The following CCSER1 variants were observed in gnomAD, a reference collection of about 807,000 sequenced individuals.
CCSER1 encodes the protein coiled-coil serine rich protein 1.
A neutral mutation model predicts 82.0 loss-of-function variants in CCSER1; 41 were observed. The ratio of observed to expected loss-of-function variants is 0.50; its 90% CI spans 0.39 to 0.65. The LOEUF is 0.65. Ranked by LOEUF, CCSER1 falls within the 30% of genes least tolerant of loss-of-function variation. The pLI is 0.00. For missense variants in CCSER1, 1,119 were observed against 1,064.2 expected, an observed-to-expected ratio of 1.05 and a Z score of -0.72; for synonymous variants, 414 against 383.9, an observed-to-expected ratio of 1.08 and a Z score of -0.92.
At chr4:91,088,971 T>G (rs1414638458) in intron 10 of CCSER1, among the ~76,000 whole-genome samples, 3 of 152,142 alleles carry the variant, frequency 2.0e-5, no homozygotes, top group Non-Finnish European at 4.4e-5. Flanking sequence ...CAGTTTTTGT[T>G]TAAGTATTAA....
intron 5 of CCSER1, among the ~76,000 whole-genome samples, chr4:90,510,639 G>C (rs1038051054): frequency 1.3e-5 from 2 of 152,190 alleles, no homozygotes; most frequent in African/African-American, 2.4e-5. Context: ...CAACAATGAG[G>C]AGAAGAAGAT....
chr4:90,791,821 A>G (rs1580486663), intron 7 of CCSER1, among the ~76,000 whole-genome samples: 1 of 139,648 alleles, frequency 7.2e-6, no homozygotes, highest in East Asian at 2.1e-4. Context: ...GACTGTCTCA[A>G]AAAAAAAAAA....
intron 10 of CCSER1, among the ~76,000 whole-genome samples, chr4:91,332,894 TA>T (rs2149278298): frequency 6.6e-6 from 1 of 152,156 alleles, no homozygotes; most frequent in East Asian, 1.9e-4. Context: ...TCTGCCCCAT[TA>T]AAAATGGCCA....
chr4:91,150,996 G>T (rs1054871618), intron 10 of CCSER1, among the ~76,000 whole-genome samples: 1 of 152,156 alleles, frequency 6.6e-6, no homozygotes, highest in African/African-American at 2.4e-5. Context: ...AAATGAGTTA[G>T]GGAGGATTCC....
intron 10 of CCSER1, among the ~76,000 whole-genome samples, chr4:91,433,145 T>G (rs1045679112): frequency 1.3e-5 from 2 of 152,212 alleles, no homozygotes; most frequent in Admixed American, 1.3e-4. Context: ...AAAATTTGAT[T>G]AGCAATTCTT....
intron 3 of CCSER1, among the ~76,000 whole-genome samples, chr4:90,382,533 C>A (rs1749363140): frequency 6.6e-6 from 1 of 151,856 alleles, no homozygotes; most frequent in Admixed American, 6.6e-5. Context: ...GATGAGGTAG[C>A]AATGATTTTA....
intron 10 of CCSER1, among the ~76,000 whole-genome samples, chr4:91,466,115 G>A (rs113192647): frequency 6.6e-6 from 1 of 152,094 alleles, no homozygotes; most frequent in Non-Finnish European, 1.5e-5. Context: ...TAAAATACTG[G>A]CAAACTGAAT....
chr4:90,919,270 G>T (rs1013409682), intron 8 of CCSER1, among the ~76,000 whole-genome samples: 2 of 151,774 alleles, frequency 1.3e-5, no homozygotes, highest in Non-Finnish European at 2.9e-5. Flanking sequence ...CTATTTGTAA[G>T]CTTTTTAAAA....
chr4:91,285,972 T>G (rs902729553), intron 10 of CCSER1, among the ~76,000 whole-genome samples: 2 of 146,542 alleles, frequency 1.4e-5, no homozygotes, highest in Non-Finnish European at 3.0e-5. Flanking sequence ...GTTTGTTTTG[T>G]TTTTTTTTTC....
At chr4:90,190,372 T>C (rs1198484324) in intron 1 of CCSER1, among the ~76,000 whole-genome samples, 1 of 152,132 alleles carries the variant, frequency 6.6e-6, no homozygotes. Context: ...AACACAGTAG[T>C]TGTTTCTTGC....
At position 90,467,282 on chromosome 4, in the gene CCSER1, G is replaced by A. The variant is rs1435947319; in HGVS notation, c.1604-952G>A. The stretch of plus-strand genomic sequence containing the variant: ...GCCTGTAGTCCTAGCTACTTGGGAG[G>A]CTGAGGTAGGAGAATCACTTGAACC... On this transcript the variant is annotated intron_variant, in intron 4 of 10. Transcript: ENST00000509176. Among the ~76,000 whole-genome samples, 4 of 152,106 alleles carry A rather than the reference G, an allele frequency of 2.6e-5. No homozygotes were observed. The East Asian group carries it at 5.8e-4, about 22-fold the overall frequency.
At chr4:90,616,699 A>G in intron 5 of CCSER1, among the ~76,000 whole-genome samples, 2 of 112,202 alleles carry the variant, frequency 1.8e-5, no homozygotes, top group Admixed American at 1.6e-4. Flanking sequence ...ACACACACAC[A>G]CACACACACA....
At chr4:91,474,815 A>ATG (rs1560700786) in intron 10 of CCSER1, among the ~76,000 whole-genome samples, 1 of 63,408 alleles carries the variant, frequency 1.6e-5, no homozygotes, top group African/African-American at 6.0e-5. Context: ...ATATATATAC[A>ATG]CACACACACA....
In CCSER1 at chr4:90,605,581, A is replaced by C. The variant is rs149411817; in HGVS notation, c.1725-22444A>C. ...GTATCATTGTTTCCTCCTTGGGAAA[A>C]TTATCCAGTAGTACTCCAACATTAT... On this transcript the variant is annotated intron_variant, in intron 5 of 10. Transcript: ENST00000509176. Among the ~76,000 whole-genome samples, 569 of 152,324 alleles carry C rather than the reference A, an allele frequency of 3.7e-3. 4 individuals are homozygous for C. The highest frequency in any genetic ancestry group is 0.013 in the African/African-American group (542 of 41,578).
chr4:91,355,126 C>T (rs1748736657), intron 10 of CCSER1, among the ~76,000 whole-genome samples: 2 of 152,062 alleles, frequency 1.3e-5, no homozygotes, highest in South Asian at 2.1e-4. Context: ...TTTTTTAATC[C>T]TCTTTTCAAG....
intron 1 of CCSER1, among the ~76,000 whole-genome samples, chr4:90,251,506 A>G (rs1244727638): frequency 6.6e-6 from 1 of 151,788 alleles, no homozygotes; most frequent in Non-Finnish European, 1.5e-5. Context: ...TCTTTAGTCG[A>G]TTGATATGGT....
intron 9 of CCSER1, among the ~76,000 whole-genome samples, chr4:91,028,259 A>T (rs1419661078): frequency 6.6e-6 from 1 of 151,952 alleles, no homozygotes; most frequent in Non-Finnish European, 1.5e-5. Context: ...TACTTATCAG[A>T]ATGGAGTGCT....
chr4:91,196,201 A>G (rs1365071012), intron 10 of CCSER1, among the ~76,000 whole-genome samples: 2 of 151,524 alleles, frequency 1.3e-5, no homozygotes, highest in African/African-American at 4.9e-5. Context: ...AAAAAAAGAC[A>G]AAGCCCCATT....
At chr4:90,581,758 T>G (rs1781434902) in intron 5 of CCSER1, among the ~76,000 whole-genome samples, 1 of 152,128 alleles carries the variant, frequency 6.6e-6, no homozygotes, top group Admixed American at 6.6e-5. Flanking sequence ...GTATTTTGAG[T>G]TTTTGCATGG....
Sources: gnomAD v4.1 joint callset for allele counts (sites outside exome capture counted in the v4.1 genomes callset) on GRCh38, gnomAD v4.1.1 for gene constraint, MANE v1.5 for transcripts, NCBI Gene and HGNC (gene_info 2026-07-23, HGNC 2026-07-21) for gene names.